LMO1: variants seen among roughly 807,000 people sequenced by gnomAD.
LMO1 encodes the protein LIM domain only 1, also known as rhombotin-1.
A neutral mutation model predicts 18.0 loss-of-function variants in LMO1; 10 were observed. The observed-to-expected ratio is 0.55, with a 90% CI of 0.34 to 0.94. The LOEUF (loss-of-function observed/expected upper bound fraction) is 0.94. Ranked by LOEUF, LMO1 falls within the 40% of genes least tolerant of loss-of-function variation. The pLI, the probability that LMO1 is intolerant of heterozygous loss-of-function variation, is 0.02. For missense variants in LMO1, 183 were observed against 205.7 expected, an observed-to-expected ratio of 0.89 and a Z score of 0.68; for synonymous variants, 77 against 77.9, an observed-to-expected ratio of 0.99 and a Z score of 0.06.
At chr11:8,237,722 G>A (rs1306203746) in intron 1 of LMO1, among the ~76,000 whole-genome samples, 1 of 152,248 alleles carries the variant, frequency 6.6e-6, no homozygotes, top group African/African-American at 2.4e-5. Flanking sequence ...GCTAGGCTCC[G>A]CCCATGGGGT....
chr11:8,237,232 A>T (rs986135931), intron 1 of LMO1, among the ~76,000 whole-genome samples: 2 of 152,050 alleles, frequency 1.3e-5, no homozygotes, highest in African/African-American at 4.8e-5. Context: ...GCCTGGGCCC[A>T]CACCCAGGCC....
At chr11:8,259,237 T>C (rs1847147347) in intron 1 of LMO1, among the ~76,000 whole-genome samples, 2 of 152,170 alleles carry the variant, frequency 1.3e-5, no homozygotes, top group South Asian at 4.1e-4. Flanking sequence ...CCCCCCTTAG[T>C]GCTGCTCTGT....
chr11:8,256,028 T>G (rs12802521), intron 1 of LMO1, among the ~76,000 whole-genome samples: 71,913 of 151,254 alleles, frequency 0.48, 17,485 homozygotes, highest in Middle Eastern at 0.63. Context: ...GGTTTCACCG[T>G]GTTAGCCAGG....
intron 1 of LMO1, among the ~76,000 whole-genome samples, chr11:8,237,855 C>A (rs913321748): frequency 1.3e-5 from 2 of 152,246 alleles, no homozygotes; most frequent in Admixed American, 6.5e-5. Flanking sequence ...AGACACACAG[C>A]CTCGGCTTGA....
At position 8,258,706 on chromosome 11, in the gene LMO1, C is replaced by T. The variant is rs117781629; in HGVS notation, c.25+4632G>A. 5.9e-5 allele frequency among the ~76,000 whole-genome samples: 9 copies of T among 152,314 alleles called. No individual in the cohort carries two copies. In the East Asian group the frequency reaches 1.7e-3, roughly 29 times the overall value. On this transcript the variant is annotated intron_variant, in intron 1 of 3. Transcript: ENST00000335790. ...GTGACACAGGGTGGGGGTAAGGAATCAATTACTCGGGAGGGATGAGAAGCG... is the reference window on the plus strand; with the variant it reads ...GTGACACAGGGTGGGGGTAAGGAATTAATTACTCGGGAGGGATGAGAAGCG...
At chr11:8,224,877 TC>T (rs1270446668) in intron 3 of LMO1, among the ~76,000 whole-genome samples, 156 bp from the exon 4 acceptor site, 2 of 151,542 alleles carry the variant, frequency 1.3e-5, no homozygotes, top group Non-Finnish European at 2.9e-5. Flanking sequence ...CTGCCAAAAG[TC>T]CCCACAGCAC....
At chr11:8,235,037 G>A (rs959640863) in intron 1 of LMO1, among the ~76,000 whole-genome samples, 10 of 152,262 alleles carry the variant, frequency 6.6e-5, no homozygotes, top group African/African-American at 1.9e-4. Flanking sequence ...TGGTCTTTCC[G>A]CTCAGAATGT....
At chr11:8,259,991 C>A (rs1047334087) in intron 1 of LMO1, among the ~76,000 whole-genome samples, 1 of 152,278 alleles carries the variant, frequency 6.6e-6, no homozygotes, top group East Asian at 1.9e-4. Context: ...TGGTCACCCC[C>A]ACCTTCCTGC....
intron 2 of LMO1, among the ~76,000 whole-genome samples, chr11:8,228,419 A>T (rs887136992): frequency 6.6e-6 from 1 of 152,228 alleles, no homozygotes; most frequent in Non-Finnish European, 1.5e-5. Flanking sequence ...GCTTGGCTCC[A>T]TTATTCATCA....
At chr11:8,243,921 G>A (rs746666300) in intron 1 of LMO1, among the ~76,000 whole-genome samples, 2 of 152,212 alleles carry the variant, frequency 1.3e-5, no homozygotes, top group Non-Finnish European at 2.9e-5. Context: ...AGCTCACAGT[G>A]CATGTGTTCC....
chr11:8,267,288 T>C (rs1363843292), upstream of LMO1, among the ~76,000 whole-genome samples: 1 of 152,232 alleles, frequency 6.6e-6, no homozygotes, highest in Non-Finnish European at 1.5e-5. Context: ...GGATACAGGA[T>C]GTTCAGTACT....
intron 1 of LMO1, among the ~76,000 whole-genome samples, chr11:8,256,457 CA>C (rs1418251640): frequency 1.3e-5 from 2 of 152,210 alleles, no homozygotes; most frequent in African/African-American, 4.8e-5. Context: ...AGTTGACCTC[CA>C]GGGGAAGGGA....
At chr11:8,260,885 G>A (rs534452328) in intron 1 of LMO1, among the ~76,000 whole-genome samples, 39 of 152,120 alleles carry the variant, frequency 2.6e-4, no homozygotes, top group Non-Finnish European at 4.0e-4. Flanking sequence ...TGGGGGAGCC[G>A]GGGGGTGGGG....
At chr11:8,257,747 G>T (rs984050880) in intron 1 of LMO1, among the ~76,000 whole-genome samples, 1 of 152,246 alleles carries the variant, frequency 6.6e-6, no homozygotes, top group African/African-American at 2.4e-5. Flanking sequence ...TGATCTGGAC[G>T]TGGGCGAGTA....
intron 3 of LMO1, among the ~76,000 whole-genome samples, chr11:8,225,481 C>A (rs1243610145): frequency 6.6e-6 from 1 of 150,554 alleles, no homozygotes; most frequent in Non-Finnish European, 1.5e-5. Flanking sequence ...TTTTTCCATC[C>A]GTCTATCCCT....
chr11:8,227,774 AGGCGTGCTCTAAACCACT>A (rs1346035571), intron 2 of LMO1, among the ~76,000 whole-genome samples: 2 of 152,250 alleles, frequency 1.3e-5, no homozygotes, highest in African/African-American at 4.8e-5. Flanking sequence ...TTGGTCCAGA[AGGCGTGCTCTAAACCACT>A]GCATGACATG....
rs145883567 is a variant in LMO1 at position 8,241,816 on chromosome 11, T to A, written c.26-11312A>T. 4.0e-3 allele frequency among the ~76,000 whole-genome samples: 612 copies of A among 151,936 alleles called. 8 individuals are homozygous for A. Among genetic ancestry groups the A allele is most frequent in the African/African-American group, 0.014 (577 of 41,446 alleles). On this transcript the variant is annotated intron_variant, in intron 1 of 3. Coordinates refer to ENST00000335790, the MANE Select transcript of LMO1 (RefSeq NM_002315.3). ...AAAAAAAAAACAAAAAAAAGTCTGA[T>A]TGATTGGGTACTCTCATAAGAACAA...
intron 1 of LMO1, among the ~76,000 whole-genome samples, chr11:8,238,564 G>A (rs1034445417): frequency 2.0e-5 from 3 of 151,726 alleles, no homozygotes; most frequent in South Asian, 2.1e-4. Context: ...CCAGCTACTC[G>A]GGAGGCTGAG....
chr11:8,264,782 C>T (rs1196823424), upstream of LMO1, among the ~76,000 whole-genome samples: 1 of 152,150 alleles, frequency 6.6e-6, no homozygotes, highest in Non-Finnish European at 1.5e-5. Flanking sequence ...CAGGCACACA[C>T]CACCACGCCC....
Sources: gnomAD v4.1 joint callset for allele counts (sites outside exome capture counted in the v4.1 genomes callset) on GRCh38, gnomAD v4.1.1 for gene constraint, MANE v1.5 for transcripts, NCBI Gene and HGNC (gene_info 2026-07-23, HGNC 2026-07-21) for gene names.